Variants in ADGRV1 observed in about 807,000 individuals in gnomAD.
The protein encoded by ADGRV1 is adhesion G protein-coupled receptor V1, also known as G-protein coupled receptor 98.
ADGRV1 carries 359 observed loss-of-function variants against 596.2 expected under a neutral mutation model. That is an observed-to-expected ratio of 0.60 (90% CI 0.55 to 0.66). The LOEUF is 0.66. Ranked by LOEUF, ADGRV1 falls within the 30% of genes least tolerant of loss-of-function variation. ADGRV1 has a pLI of 0.00. For missense variants in ADGRV1, 7,274 were observed against 7,575.6 expected (o/e 0.96, Z 1.48); for synonymous variants, 2,681 against 2,679.2 (o/e 1.00, Z -0.02).
chr5:90,766,842 G>T (rs147151950), intron 59 of ADGRV1, among the ~76,000 whole-genome samples: 2 of 152,214 alleles, frequency 1.3e-5, no homozygotes, highest in Admixed American at 6.5e-5. Context: ...TGTAGGATGC[G>T]ATTTTTCTGG....
In ADGRV1 at chr5:90,788,151, G is replaced by A. The variant is rs1447481918; in HGVS notation, c.13734G>A (p.Gly4578=). ...QNRDIADPVS[G]LFYFGEGEGG... ...GAGACATTGCAGACCCAGTGAGCGG[G>A]TTGTTCTATTTTGGAGAAGGAGAAG... Residue 4578 remains glycine, a synonymous_variant, in exon 68 of 90, where the codon GGG becomes GGA. Transcript: ENST00000405460. 9 of 1,613,836 alleles carry A rather than the reference G, an allele frequency of 5.6e-6. No individual in the cohort carries two copies. The highest frequency in any genetic ancestry group is 7.6e-6 in the Non-Finnish European group (9 of 1,179,770).
rs533373225 is a variant in ADGRV1 at position 90,781,632 on chromosome 5, A to C, written c.13231+54A>C. 2.0e-6 allele frequency: 3 copies of C among 1,519,312 alleles called. No individual in the cohort carries two copies. In the South Asian group the frequency reaches 3.9e-5, roughly 20 times the overall value. 94.1% of individuals were successfully genotyped at this position (1,519,312 alleles called of 1,614,324 possible). A position where few individuals can be genotyped will look rare whatever the true frequency, so the allele number is the denominator to read the frequency against. ...AGTTTACTACCACTTTCCAAATTAC[A>C]TTAGTTTGAATTTCCGTGTGTAAAT... On this transcript the variant is annotated intron_variant, in intron 65 of 89. Coordinates refer to ENST00000405460, the MANE Select transcript of ADGRV1 (RefSeq NM_032119.4).
At chr5:90,738,496 C>T (rs777456841) in intron 50 of ADGRV1, among the ~76,000 whole-genome samples, 3 of 151,994 alleles carry the variant, frequency 2.0e-5, no homozygotes, top group Non-Finnish European at 4.4e-5. Context: ...TAGAGCAGGC[C>T]GAGTGGTAAC....
At chr5:90,648,714 C>T (rs1413006214) in intron 17 of ADGRV1, among the ~76,000 whole-genome samples, 9 of 152,102 alleles carry the variant, frequency 5.9e-5, no homozygotes, top group Non-Finnish European at 1.5e-5. Flanking sequence ...TCTTTTTCTC[C>T]TTTTGTCTTT....
At position 90,988,643 on chromosome 5, in the gene ADGRV1, C is replaced by CT. The variant is rs933591679; in HGVS notation, c.18152+3131dup. Among the ~76,000 whole-genome samples, 441 of 148,990 alleles carry CT rather than the reference C, an allele frequency of 3.0e-3. 4 individuals are homozygous for CT. Among genetic ancestry groups the CT allele is most frequent in the South Asian group, 0.014 (66 of 4,676 alleles). ...TTACCAGAGTGACACACAGCTATTT[C>CT]TTTTTTTTTTATTATACTTTAAGTT... On this transcript the variant is annotated intron_variant, in intron 85 of 89. Coordinates refer to ENST00000405460, the MANE Select transcript of ADGRV1 (RefSeq NM_032119.4).
At chr5:90,607,245 A>G (rs2152035593) in intron 1 of ADGRV1, among the ~76,000 whole-genome samples, 1 of 152,304 alleles carries the variant, frequency 6.6e-6, no homozygotes, top group South Asian at 2.1e-4. Context: ...CCAAATTTAT[A>G]CAGAATAGCC....
chr5:91,036,763 T>C (rs1562123692), intron 85 of ADGRV1, among the ~76,000 whole-genome samples: 1 of 152,084 alleles, frequency 6.6e-6, no homozygotes, highest in Admixed American at 6.5e-5. Flanking sequence ...AAAGGAACTA[T>C]GTTAAAGTAG....
Position 90,628,674 on chromosome 5 carries a change from C to T in ADGRV1, c.1351C>T (p.Pro451Ser). 6.2e-7 allele frequency: 1 copy of T among 1,614,022 alleles called. No homozygotes were observed. Among genetic ancestry groups the T allele is most frequent in the African/African-American group, 1.3e-5 (1 of 75,052 alleles). ...DPSPVTADIRPSSGVLHFAQG... is the reference protein window; with the variant it reads ...DPSPVTADIRSSSGVLHFAQG... ...CTCACCAGTAACAGCAGATATCAGA[C>T]CGAGCTCTGGAGTTCTCCATTTTGC... is the stretch of plus-strand genomic sequence containing the variant. The change falls in exon 8 of 90, where the codon CCG (proline) becomes TCG (serine). Residue 451 changes from proline to serine, a missense_variant. Pro to Ser is a moderately conservative substitution (Grantham distance 74). This residue lies in a region of ADGRV1 where 1,715 missense variants were observed against 1,708.8 expected (regional missense o/e 1.00). Coordinates refer to ENST00000405460, the MANE Select transcript of ADGRV1 (RefSeq NM_032119.4).
rs1035395203 is a variant in ADGRV1 at position 90,835,753 on chromosome 5, G to A, written c.16612-4825G>A. On this transcript the variant is annotated intron_variant, in intron 77 of 89. Transcript: ENST00000405460. ...CCTCCAGCCCTAAATTCTATATCCAGTGAACATATCTTTCACAAGTGAAGA... is the reference window on the plus strand; with the variant it reads ...CCTCCAGCCCTAAATTCTATATCCAATGAACATATCTTTCACAAGTGAAGA... 2.0e-5 allele frequency among the ~76,000 whole-genome samples: 3 copies of A among 152,158 alleles called. No homozygotes were observed. The South Asian group carries it at 6.2e-4, about 32-fold the overall frequency.
chr5:90,637,187 C>T (rs943053882), intron 10 of ADGRV1, among the ~76,000 whole-genome samples: 14 of 151,932 alleles, frequency 9.2e-5, no homozygotes, highest in African/African-American at 3.4e-4. Flanking sequence ...TCAAGGTAAC[C>T]CAGAGTCATG....
At chr5:90,965,656 G>T in intron 84 of ADGRV1, 125 bp downstream of exon 84, 1 of 529,728 alleles carries the variant, frequency 1.9e-6, no homozygotes, top group South Asian at 3.1e-5. Flanking sequence ...TGCATTCTCA[G>T]GATATAAATG....
chr5:90,734,000 C>A (rs1009079377), intron 50 of ADGRV1, among the ~76,000 whole-genome samples: 1 of 152,126 alleles, frequency 6.6e-6, no homozygotes. Flanking sequence ...GATTCCGCAA[C>A]TAGTGAGATC....
chr5:91,099,922 C>A (rs1245737705), intron 86 of ADGRV1, among the ~76,000 whole-genome samples: 1 of 152,152 alleles, frequency 6.6e-6, no homozygotes, highest in Non-Finnish European at 1.5e-5. Flanking sequence ...AGCTTAGGAG[C>A]AGCAACAGCA....
At position 90,710,963 on chromosome 5, in the gene ADGRV1, G is replaced by A. The variant is rs1749259085; in HGVS notation, c.8825-18G>A. On this transcript the variant is annotated intron_variant, in intron 39 of 89. Coordinates refer to ENST00000405460, the MANE Select transcript of ADGRV1 (RefSeq NM_032119.4). ...ATCATTTATATGTATTTTAAGATAT[G>A]CTTCTATGTTTTTTAAGATTCAGAA... The A allele has an allele frequency of 2.0e-6, 3 of 1,468,250 alleles. No individual in the cohort carries two copies. Among genetic ancestry groups the A allele is most frequent in the South Asian group, 2.4e-5 (2 of 84,698 alleles). 91.0% of individuals were successfully genotyped at this position (1,468,250 alleles called of 1,614,324 possible).
Position 90,949,047 on chromosome 5 carries a change from C to T in ADGRV1, c.17857-16368C>T, listed in dbSNP as rs183701083. Among the ~76,000 whole-genome samples the T allele has an allele frequency of 2.8e-3, 428 of 151,920 alleles. 3 individuals are homozygous for T. Among genetic ancestry groups the T allele is most frequent in the Admixed American group, 7.9e-3 (120 of 15,248 alleles). On this transcript the variant is annotated intron_variant, in intron 83 of 89. Coordinates refer to ENST00000405460, the MANE Select transcript of ADGRV1 (RefSeq NM_032119.4). ...ATTCATTCAATGGAATACTATACGA[C>T]AATAAAAAAAGTGAAATATTGCTAC...
At chr5:90,961,615 G>A (rs1322646748) in intron 83 of ADGRV1, among the ~76,000 whole-genome samples, 2 of 151,724 alleles carry the variant, frequency 1.3e-5, no homozygotes, top group East Asian at 3.9e-4. Flanking sequence ...TGAGAATTGA[G>A]GTTTATAGGA....
intron 89 of ADGRV1, among the ~76,000 whole-genome samples, chr5:91,160,775 T>C (rs187510878): frequency 3.1e-4 from 47 of 152,330 alleles, no homozygotes; most frequent in African/African-American, 1.1e-3. Context: ...CGGCATGTTA[T>C]ACTTGTGTGT....
chr5:90,977,871 A>G (rs1010588565), intron 84 of ADGRV1, among the ~76,000 whole-genome samples: 7 of 152,196 alleles, frequency 4.6e-5, no homozygotes, highest in African/African-American at 1.7e-4. Context: ...TGAATTACTA[A>G]TTCTGAAAAG....
chr5:91,017,620 A>T (rs1783280217), intron 85 of ADGRV1, among the ~76,000 whole-genome samples: 1 of 151,956 alleles, frequency 6.6e-6, no homozygotes, highest in South Asian at 2.1e-4. Context: ...AAGCATCAAG[A>T]TGTAGACATG....
Sources: gnomAD v4.1 joint callset for allele counts (sites outside exome capture counted in the v4.1 genomes callset) on GRCh38, gnomAD v4.1.1 for gene constraint, gnomAD v4.1.1 regional missense constraint, MANE v1.5 for transcripts, NCBI Gene and HGNC (gene_info 2026-07-23, HGNC 2026-07-21) for gene names.